SLC4A10: variants seen among roughly 807,000 people sequenced by gnomAD.
The protein encoded by SLC4A10 is solute carrier family 4 member 10.
Under a neutral mutation model 137.7 loss-of-function variants are expected in SLC4A10, and 42 were observed. The ratio of observed to expected loss-of-function variants is 0.30; its 90% CI spans 0.24 to 0.39. SLC4A10 has a LOEUF of 0.39. SLC4A10 is among the 10% of genes least tolerant of loss of function. SLC4A10 has a pLI of 1.00. For missense variants in SLC4A10, 925 were observed against 1,355.0 expected, an observed-to-expected ratio of 0.68 and a Z score of 4.98; for synonymous variants, 474 against 464.1, an observed-to-expected ratio of 1.02 and a Z score of -0.27.
rs546795676 is a variant in SLC4A10, at chr2:161,976,754, G to C, written c.3228-6G>C. The C allele has an allele frequency of 2.0e-6, 3 of 1,503,784 alleles. No individual in the cohort carries two copies. The highest frequency in any genetic ancestry group is 2.7e-6 in the Non-Finnish European group (3 of 1,109,764). The allele number at this position is 1,503,784 out of a possible 1,614,324, so 93.2% of individuals were successfully genotyped here. ...TATTATTTCATTTGGGGAAACTCCT[G>C]TCTAGAGATGATCCATCTGTGATCA... On this transcript the variant is annotated splice_polypyrimidine_tract_variant and splice_region_variant and intron_variant, in intron 24 of 26. Transcript: ENST00000446997.
chr2:161,804,367 A>T (rs1013520697), intron 2 of SLC4A10, 82 bp from the exon 3 acceptor site: 1 of 1,397,510 alleles, frequency 7.2e-7, no homozygotes, highest in Non-Finnish European at 9.7e-7. Flanking sequence ...AATTAAATTG[A>T]GTCTCCATTA....
At chr2:161,637,720 A>G (rs926615970) in intron 1 of SLC4A10, among the ~76,000 whole-genome samples, 1 of 152,144 alleles carries the variant, frequency 6.6e-6, no homozygotes, top group African/African-American at 2.4e-5. Context: ...TAATGGCTAT[A>G]CAAATTTATT....
intron 4 of SLC4A10, among the ~76,000 whole-genome samples, chr2:161,848,679 T>G (rs560845640): frequency 2.6e-5 from 4 of 152,146 alleles, no homozygotes; most frequent in Non-Finnish European, 5.9e-5. Flanking sequence ...TTGTTGAAGA[T>G]CAGATGGTTC....
chr2:161,836,608 G>T (rs1333892612), intron 3 of SLC4A10, among the ~76,000 whole-genome samples: 4 of 130,066 alleles, frequency 3.1e-5, no homozygotes, highest in East Asian at 2.3e-4. Flanking sequence ...AAGGAAGGAA[G>T]GAAAGAAATG....
chr2:161,652,502 A>T (rs1218508266), intron 1 of SLC4A10, among the ~76,000 whole-genome samples: 1 of 152,220 alleles, frequency 6.6e-6, no homozygotes, highest in East Asian at 1.9e-4. Flanking sequence ...TACATTTCTA[A>T]TATATTGACC....
Position 161,706,399 on chromosome 2 carries a change from C to A in SLC4A10, c.49-64574C>A, listed in dbSNP as rs1171596716. ...TAGGAATGAACCTTGCTTGATGTTT[C>A]GCTTTTCCTCATTTCTCACATTCAA... On this transcript the variant is annotated intron_variant, in intron 1 of 26. Coordinates refer to ENST00000446997, the MANE Select transcript of SLC4A10 (RefSeq NM_001178015.2). 3.3e-5 allele frequency among the ~76,000 whole-genome samples: 5 copies of A among 151,406 alleles called. No homozygotes were observed. The Admixed American group carries it at 3.3e-4, about 10-fold the overall frequency.
At chr2:161,878,940 A>T (rs1237029470) in intron 8 of SLC4A10, among the ~76,000 whole-genome samples, 191 bp from the exon 9 acceptor site, 1 of 152,168 alleles carries the variant, frequency 6.6e-6, no homozygotes, top group African/African-American at 2.4e-5. Flanking sequence ...CTTATTGATG[A>T]CAAGTTAAAA....
At chr2:161,699,959 C>G (rs906866146) in intron 1 of SLC4A10, among the ~76,000 whole-genome samples, 13 of 152,212 alleles carry the variant, frequency 8.5e-5, no homozygotes, top group Admixed American at 6.5e-4. Context: ...ATTATCTACA[C>G]TATATTGATA....
intron 1 of SLC4A10, among the ~76,000 whole-genome samples, chr2:161,734,687 T>C (rs577874747): frequency 1.4e-4 from 22 of 152,350 alleles, no homozygotes; most frequent in Non-Finnish European, 2.4e-4. Flanking sequence ...TTTATGTCTT[T>C]ATAACTTTTC....
chr2:161,768,323 T>C (rs2125404958), intron 1 of SLC4A10, among the ~76,000 whole-genome samples: 1 of 152,160 alleles, frequency 6.6e-6, no homozygotes, highest in African/African-American at 2.4e-5. Flanking sequence ...ACATTTTCAG[T>C]CTGTTCGGAA....
chr2:161,737,040 A>G (rs1049581220), intron 1 of SLC4A10, among the ~76,000 whole-genome samples: 1 of 150,772 alleles, frequency 6.6e-6, no homozygotes, highest in East Asian at 1.9e-4. Context: ...TTTTTTTTCC[A>G]TGGAGACAGT....
chr2:161,629,288 A>G (rs2033074112), intron 1 of SLC4A10, among the ~76,000 whole-genome samples: 1 of 151,106 alleles, frequency 6.6e-6, no homozygotes, highest in East Asian at 1.9e-4. Context: ...TTCTCGCACC[A>G]CAAACAGTTG....
intron 10 of SLC4A10, among the ~76,000 whole-genome samples, chr2:161,894,025 T>C (rs1026108940): frequency 1.3e-5 from 2 of 151,974 alleles, no homozygotes; most frequent in Non-Finnish European, 2.9e-5. Flanking sequence ...CATCATAAAG[T>C]CAAAAGATTG....
intron 1 of SLC4A10, among the ~76,000 whole-genome samples, chr2:161,758,506 C>A (rs78653585): frequency 0.019 from 2,830 of 151,960 alleles, 59 homozygotes; most frequent in African/African-American, 0.054. Context: ...TTACTTGTAT[C>A]AGGAAACTTC....
chr2:161,969,474 A>G lies in SLC4A10; in HGVS notation c.3159+4301A>G, dbSNP rs993542699. The stretch of plus-strand genomic sequence containing the variant: ...AAATTCTGGATGTCCAAATGTGCTC[A>G]GAGTACCAACATGCCTTCCTTCCTA... On this transcript the variant is annotated intron_variant, in intron 23 of 26. Coordinates refer to ENST00000446997, the MANE Select transcript of SLC4A10 (RefSeq NM_001178015.2). 2.6e-5 allele frequency among the ~76,000 whole-genome samples: 4 copies of G among 152,242 alleles called. No individual in the cohort carries two copies. In the East Asian group the frequency reaches 5.8e-4, roughly 22 times the overall value.
At chr2:161,819,641 C>A (rs1042425990) in intron 3 of SLC4A10, among the ~76,000 whole-genome samples, 2 of 151,912 alleles carry the variant, frequency 1.3e-5, no homozygotes, top group African/African-American at 4.8e-5. Flanking sequence ...ATTACAGGCA[C>A]CTGCCACCAC....
chr2:161,799,702 A>G (rs2055171713), intron 2 of SLC4A10, among the ~76,000 whole-genome samples: 1 of 151,862 alleles, frequency 6.6e-6, no homozygotes, highest in Non-Finnish European at 1.5e-5. Flanking sequence ...TTTGTGGAAA[A>G]TCTCCTAAAT....
At chr2:161,656,047 C>G (rs1001809079) in intron 1 of SLC4A10, among the ~76,000 whole-genome samples, 2 of 151,946 alleles carry the variant, frequency 1.3e-5, no homozygotes, top group African/African-American at 2.4e-5. Context: ...CTCCTGACCT[C>G]GTGATCCAAC....
intron 10 of SLC4A10, among the ~76,000 whole-genome samples, chr2:161,890,567 A>C (rs13020987): frequency 1 from 151,677 of 152,260 alleles, 75,548 homozygotes; most frequent in East Asian, 1. Flanking sequence ...CTTTTTTGAT[A>C]TTCGTTGGTT....
Sources: allele counts gnomAD v4.1 joint callset (sites outside exome capture counted in the v4.1 genomes callset), GRCh38; gene constraint gnomAD v4.1.1; transcripts MANE v1.5; gene names NCBI Gene and HGNC (gene_info 2026-07-23, HGNC 2026-07-21).